EPHA3: variants seen among roughly 807,000 people sequenced by gnomAD.
The protein encoded by EPHA3 is EPH receptor A3, also known as ephrin type-A receptor 3.
A neutral mutation model predicts 107.1 loss-of-function variants in EPHA3; 42 were observed. The ratio of observed to expected loss-of-function variants is 0.39; its 90% CI spans 0.31 to 0.51. The LOEUF (loss-of-function observed/expected upper bound fraction) is 0.51. EPHA3 is among the 20% of genes least tolerant of loss of function. EPHA3 has a pLI of 0.78. For missense variants in EPHA3, 1,183 were observed against 1,211.2 expected, an observed-to-expected ratio of 0.98 and a Z score of 0.35; for synonymous variants, 461 against 424.8, an observed-to-expected ratio of 1.09 and a Z score of -1.05.
chr3:89,375,623 A>T (rs1708387886), intron 5 of EPHA3, among the ~76,000 whole-genome samples: 1 of 151,736 alleles, frequency 6.6e-6, no homozygotes, highest in South Asian at 2.1e-4. Context: ...GAAGAGTATA[A>T]TTTTTTATCC....
intron 1 of EPHA3, among the ~76,000 whole-genome samples, chr3:89,125,431 CAG>C (rs1704072977): frequency 6.6e-6 from 1 of 151,572 alleles, no homozygotes; most frequent in African/African-American, 2.4e-5. Flanking sequence ...AATTTTCTAA[CAG>C]TTATCTGAAA....
chr3:89,459,581 G>A lies in EPHA3; in HGVS notation c.2690+9211G>A, dbSNP rs185706237. Among the ~76,000 whole-genome samples, 292 of 150,442 alleles carry A rather than the reference G, an allele frequency of 1.9e-3. 1 individual carries two copies. The highest frequency in any genetic ancestry group is 6.8e-3 in the Middle Eastern group (2 of 294). On this transcript the variant is annotated intron_variant, in intron 15 of 16. Coordinates refer to ENST00000336596, the MANE Select transcript of EPHA3 (RefSeq NM_005233.6). ...TGACAGTGTTTCACTCTTGTCGCCCGGGCTGGCATGCAATGGTGCCATCCT... is the reference window on the plus strand; with the variant it reads ...TGACAGTGTTTCACTCTTGTCGCCCAGGCTGGCATGCAATGGTGCCATCCT...
intron 2 of EPHA3, among the ~76,000 whole-genome samples, 198 bp from the exon 3 acceptor site, chr3:89,209,662 A>G (rs1706219294): frequency 6.6e-6 from 1 of 152,166 alleles, no homozygotes; most frequent in African/African-American, 2.4e-5. Context: ...CTGTAACGCA[A>G]TTGAAATGTG....
At chr3:89,380,828 G>T (rs1456101854) in intron 5 of EPHA3, among the ~76,000 whole-genome samples, 1 of 151,110 alleles carries the variant, frequency 6.6e-6, no homozygotes, top group Non-Finnish European at 1.5e-5. Flanking sequence ...GGGGGCAGTG[G>T]CGCAATCTTG....
At chr3:89,349,957 T>C (rs942422602) in intron 5 of EPHA3, among the ~76,000 whole-genome samples, 2 of 149,724 alleles carry the variant, frequency 1.3e-5, no homozygotes, top group African/African-American at 2.5e-5. Flanking sequence ...CACTCTCTTC[T>C]GGCTTGTAGG....
At chr3:89,246,591 A>G (rs929448197) in intron 3 of EPHA3, among the ~76,000 whole-genome samples, 8 of 152,152 alleles carry the variant, frequency 5.3e-5, no homozygotes, top group African/African-American at 1.9e-4. Context: ...AGTTGCCATC[A>G]TTCCCATGGG....
intron 13 of EPHA3, among the ~76,000 whole-genome samples, chr3:89,435,724 A>G (rs1709656459): frequency 6.7e-6 from 1 of 149,776 alleles, no homozygotes; most frequent in Non-Finnish European, 1.5e-5. Flanking sequence ...AGGCTAAAGC[A>G]GGCAGATCAC....
At chr3:89,389,087 A>G (rs1708676691) in intron 5 of EPHA3, among the ~76,000 whole-genome samples, 4 of 152,204 alleles carry the variant, frequency 2.6e-5, no homozygotes, top group Admixed American at 2.6e-4. Context: ...GAAAAAATAT[A>G]AACTATAACT....
intron 3 of EPHA3, among the ~76,000 whole-genome samples, chr3:89,307,438 G>C (rs1317107464): frequency 6.6e-6 from 1 of 152,164 alleles, no homozygotes; most frequent in East Asian, 1.9e-4. Flanking sequence ...TCAGCTGGTA[G>C]CATTATTCAA....
chr3:89,309,122 A>T (rs1706702596), intron 3 of EPHA3, among the ~76,000 whole-genome samples: 1 of 152,160 alleles, frequency 6.6e-6, no homozygotes, highest in African/African-American at 2.4e-5. Flanking sequence ...TGAGTGAAGA[A>T]AAAGAGCCTT....
intron 2 of EPHA3, among the ~76,000 whole-genome samples, chr3:89,160,554 G>GTC (rs1248624390): frequency 4.9e-5 from 5 of 101,222 alleles, no homozygotes; most frequent in Admixed American, 3.5e-4. Flanking sequence ...GATTTTGTGT[G>GTC]TGTGTGTGTG....
chr3:89,328,382 C>A (rs1016385426), intron 3 of EPHA3, among the ~76,000 whole-genome samples: 3 of 152,154 alleles, frequency 2.0e-5, no homozygotes, highest in African/African-American at 7.2e-5. Flanking sequence ...AATAAAGTTT[C>A]TTTGCATCAG....
intron 2 of EPHA3, among the ~76,000 whole-genome samples, chr3:89,153,954 A>C (rs1704740301): frequency 6.6e-6 from 1 of 152,062 alleles, no homozygotes; most frequent in Non-Finnish European, 1.5e-5. Flanking sequence ...TCTATGAACA[A>C]GTCAGGTCTG....
chr3:89,447,279 C>T (rs753561797), intron 13 of EPHA3, among the ~76,000 whole-genome samples: 13 of 152,254 alleles, frequency 8.5e-5, no homozygotes, highest in South Asian at 2.1e-4. Flanking sequence ...GTCAACTATT[C>T]TTCACCTGGT....
At chr3:89,320,775 G>A (rs1299345217) in intron 3 of EPHA3, among the ~76,000 whole-genome samples, 3 of 151,986 alleles carry the variant, frequency 2.0e-5, no homozygotes, top group Non-Finnish European at 4.4e-5. Flanking sequence ...CTGAAAAATT[G>A]TTACTGAAAT....
chr3:89,294,084 G>T (rs1371992897), intron 3 of EPHA3, among the ~76,000 whole-genome samples: 1 of 152,088 alleles, frequency 6.6e-6, no homozygotes, highest in Non-Finnish European at 1.5e-5. Flanking sequence ...GGTAAGATTT[G>T]TCCCATTGGC....
At chr3:89,339,370 C>CAAAAAAAAA (rs10575384) in intron 3 of EPHA3, among the ~76,000 whole-genome samples, 12 of 106,522 alleles carry the variant, frequency 1.1e-4, no homozygotes, top group South Asian at 6.7e-4. Context: ...GACTCCATCT[C>CAAAAAAAAA]AAAAAAAAAA....
chr3:89,469,224 T>G (rs886768256), intron 15 of EPHA3, among the ~76,000 whole-genome samples: 4 of 152,140 alleles, frequency 2.6e-5, no homozygotes, highest in Admixed American at 1.3e-4. Context: ...GGACAGAAGT[T>G]TGAAGAATCC....
intron 3 of EPHA3, among the ~76,000 whole-genome samples, chr3:89,294,002 T>A (rs1198592975): frequency 6.6e-6 from 1 of 152,186 alleles, no homozygotes; most frequent in Non-Finnish European, 1.5e-5. Context: ...AGTATACTTT[T>A]TCCATTCCAC....
Sources: allele counts gnomAD v4.1 joint callset (sites outside exome capture counted in the v4.1 genomes callset), GRCh38; gene constraint gnomAD v4.1.1; transcripts MANE v1.5; gene names NCBI Gene and HGNC (gene_info 2026-07-23, HGNC 2026-07-21).